Variants in LRFN5 observed in about 807,000 individuals in gnomAD.
LRFN5 encodes leucine-rich repeat and fibronectin type-III domain-containing protein 5.
Under a neutral mutation model 45.6 loss-of-function variants are expected in LRFN5, and 24 were observed. That is an observed-to-expected ratio of 0.53 (90% CI 0.38 to 0.74). LRFN5 has a LOEUF of 0.74. Ranked by LOEUF, LRFN5 falls within the 30% of genes least tolerant of loss-of-function variation. The pLI, the probability that LRFN5 is intolerant of heterozygous loss-of-function variation, is 0.00. For missense variants in LRFN5, 776 were observed against 861.5 expected (o/e 0.90, Z 1.24); for synonymous variants, 340 against 313.8 (o/e 1.08, Z -0.88).
rs1887579427 is a variant in LRFN5, at chr14:41,608,235, G to C, written c.-524G>C. On this transcript the variant is annotated 5_prime_UTR_variant, in exon 1 of 6. Coordinates refer to ENST00000298119, the MANE Select transcript of LRFN5 (RefSeq NM_152447.5). ...TGTGAGTGCAAGTGCGCGCGCGCCC[G>C]GGTGCGAGTGTGTGTGAGTGTGAGC... The C allele has an allele frequency of 6.5e-6, 1 of 153,410 alleles. No homozygotes were observed. Among genetic ancestry groups the C allele is most frequent in the Non-Finnish European group, 1.5e-5 (1 of 68,818 alleles). The allele number at this position is 153,410 out of a possible 1,614,324, so 9.5% of individuals were successfully genotyped here. A position where few individuals can be genotyped will look rare whatever the true frequency, so the allele number is the denominator to read the frequency against.
At chr14:41,670,252 CACAGATATATATAT>C (rs1881122072) in intron 1 of LRFN5, among the ~76,000 whole-genome samples, 3 of 94,696 alleles carry the variant, frequency 3.2e-5, no homozygotes, top group Non-Finnish European at 6.2e-5. Context: ...CACACATACA[CACAGATATATATAT>C]ATATATATAT....
At chr14:41,828,415 A>C (rs1329267109) in intron 2 of LRFN5, among the ~76,000 whole-genome samples, 1 of 152,018 alleles carries the variant, frequency 6.6e-6, no homozygotes, top group Non-Finnish European at 1.5e-5. Flanking sequence ...ATTCTTCACA[A>C]CTTCTACCCT....
At chr14:41,727,439 T>TAAAA (rs2138784965) in intron 1 of LRFN5, among the ~76,000 whole-genome samples, 1 of 150,682 alleles carries the variant, frequency 6.6e-6, no homozygotes, top group Non-Finnish European at 1.5e-5. Flanking sequence ...ATCCGATCTC[T>TAAAA]ATAAATAAAT....
chr14:41,793,325 A>G (rs551795551), intron 2 of LRFN5, among the ~76,000 whole-genome samples: 6 of 152,144 alleles, frequency 3.9e-5, no homozygotes, highest in African/African-American at 1.4e-4. Context: ...CAGGTTGGAG[A>G]TGAGATAAAA....
intron 4 of LRFN5, chr14:41,895,053 GAACA>G (rs1403724792): frequency 2.0e-6 from 2 of 984,412 alleles, no homozygotes; most frequent in Non-Finnish European, 2.4e-6. Flanking sequence ...TTCAATGTGA[GAACA>G]AACAAAATAA....
rs182324579 is a variant in LRFN5 at position 41,814,970 on chromosome 14, A to G, written c.-21+47941A>G. Among the ~76,000 whole-genome samples, 33 of 152,272 alleles carry G rather than the reference A, an allele frequency of 2.2e-4. No homozygotes were observed. In the East Asian group the frequency reaches 6.4e-3, roughly 29 times the overall value. ...GAACAGCATGGAAAAACATCCATCGAAAAAAGCATGGATGGCACTTGAAGA... is the reference window on the plus strand; with the variant it reads ...GAACAGCATGGAAAAACATCCATCGGAAAAAGCATGGATGGCACTTGAAGA... On this transcript the variant is annotated intron_variant, in intron 2 of 5. Transcript: ENST00000298119.
chr14:41,808,923 A>C (rs1887644442), intron 2 of LRFN5, among the ~76,000 whole-genome samples: 2 of 152,038 alleles, frequency 1.3e-5, no homozygotes, highest in Non-Finnish European at 2.9e-5. Flanking sequence ...ATAGGTTTCT[A>C]GGCACTTTAC....
chr14:41,843,148 A>T (rs4519253), intron 2 of LRFN5, among the ~76,000 whole-genome samples: 147,877 of 148,740 alleles, frequency 0.99, 73,513 homozygotes, highest in East Asian at 1. Flanking sequence ...TGTAGTGATA[A>T]AATGACAGCT....
At chr14:41,825,523 C>G (rs1305844417) in intron 2 of LRFN5, among the ~76,000 whole-genome samples, 1 of 152,228 alleles carries the variant, frequency 6.6e-6, no homozygotes, top group Admixed American at 6.5e-5. Flanking sequence ...CACTCACTCT[C>G]TTTCCCCAAG....
At chr14:41,757,490 G>A (rs1461895161) in intron 1 of LRFN5, among the ~76,000 whole-genome samples, 1 of 152,220 alleles carries the variant, frequency 6.6e-6, no homozygotes, top group African/African-American at 2.4e-5. Context: ...CTGCCGCCTT[G>A]CAGTTTGATC....
intron 1 of LRFN5, among the ~76,000 whole-genome samples, chr14:41,626,862 A>C (rs570524314): frequency 6.6e-6 from 1 of 152,066 alleles, no homozygotes. Flanking sequence ...TTAATAATAG[A>C]AAAAAACACT....
intron 1 of LRFN5, among the ~76,000 whole-genome samples, chr14:41,654,223 A>C (rs963661379): frequency 1.3e-5 from 2 of 151,944 alleles, no homozygotes; most frequent in African/African-American, 4.8e-5. Flanking sequence ...GAAAAGTAGA[A>C]CCAGTTCCTG....
intron 4 of LRFN5, chr14:41,893,853 T>A (rs1594503950): frequency 3.0e-6 from 3 of 985,342 alleles, no homozygotes; most frequent in Non-Finnish European, 3.6e-6. Context: ...ATTTGCAAAG[T>A]CTAATTATCC....
At chr14:41,747,654 G>A (rs1278795229) in intron 1 of LRFN5, among the ~76,000 whole-genome samples, 2 of 151,982 alleles carry the variant, frequency 1.3e-5, no homozygotes, top group East Asian at 3.9e-4. Context: ...CCAACAAAGA[G>A]AAAAATAGAC....
chr14:41,799,822 T>A (rs1887262655), intron 2 of LRFN5, among the ~76,000 whole-genome samples: 1 of 152,012 alleles, frequency 6.6e-6, no homozygotes, highest in Non-Finnish European at 1.5e-5. Context: ...TTTCATCACT[T>A]ATAAATAATG....
Position 41,713,754 on chromosome 14 carries a change from T to C in LRFN5, c.-196-53100T>C, listed in dbSNP as rs564561724. 2.6e-5 allele frequency among the ~76,000 whole-genome samples: 4 copies of C among 152,266 alleles called. No individual in the cohort carries two copies. In the South Asian group the frequency reaches 6.2e-4, roughly 24 times the overall value. ...TACAGTGTGTAGAGAACATTAATAA[T>C]TTTGCCTGCTGATGAGAGGTAAATT... On this transcript the variant is annotated intron_variant, in intron 1 of 5. Transcript: ENST00000298119.
rs141692112 is a variant in LRFN5, at chr14:41,754,760, T to C, written c.-196-12094T>C. ...TTTGAAGCGTTTTTTGTGTCTCTGT[T>C]TCCTTCAGTTCTGCTCTGATCTTAG... On this transcript the variant is annotated intron_variant, in intron 1 of 5. Coordinates refer to ENST00000298119, the MANE Select transcript of LRFN5 (RefSeq NM_152447.5). Among the ~76,000 whole-genome samples the C allele has an allele frequency of 1.8e-4, 28 of 152,318 alleles. No individual in the cohort carries two copies. In the East Asian group the frequency reaches 5.2e-3, roughly 28 times the overall value.
At chr14:41,894,604 A>G (rs972014835) in intron 4 of LRFN5, 2 of 978,278 alleles carry the variant, frequency 2.0e-6, no homozygotes, top group African/African-American at 3.5e-5. Context: ...TAAACATATG[A>G]AGAAATTTTT....
intron 1 of LRFN5, among the ~76,000 whole-genome samples, chr14:41,641,651 T>G (rs768414241): frequency 1.3e-5 from 2 of 152,084 alleles, no homozygotes; most frequent in Non-Finnish European, 2.9e-5. Flanking sequence ...TCCATAAATA[T>G]AATGCCACAG....
Sources: gnomAD v4.1 joint callset for allele counts (sites outside exome capture counted in the v4.1 genomes callset) on GRCh38, gnomAD v4.1.1 for gene constraint, MANE v1.5 for transcripts, NCBI Gene and HGNC (gene_info 2026-07-23, HGNC 2026-07-21) for gene names.